Variants in SEC16A observed in about 807,000 individuals in gnomAD.
The protein encoded by SEC16A is SEC16 homolog A, endoplasmic reticulum export factor.
SEC16A carries 110 observed loss-of-function variants against 221.9 expected under a neutral mutation model. The observed-to-expected ratio is 0.50, with a 90% confidence interval of 0.42 to 0.58. The LOEUF (loss-of-function observed/expected upper bound fraction) is 0.58, where lower values mean the gene tolerates loss of function less well. Ranked by LOEUF, SEC16A falls within the 20% of genes least tolerant of loss-of-function variation. The pLI, the probability that SEC16A is intolerant of heterozygous loss-of-function variation, is 0.00. For missense variants in SEC16A, 3,165 were observed against 3,097.8 expected (o/e 1.02, Z -0.52); for synonymous variants, 1,393 against 1,257.7 (o/e 1.11, Z -2.28).
At chr9:136,451,140 T>C (rs1265648422) in intron 23 of SEC16A, 116 bp downstream of exon 23, 2 of 1,091,074 alleles carry the variant, frequency 1.8e-6, no homozygotes. Context: ...CACTCGGCTG[T>C]TTGTATCAGG....
intron 23 of SEC16A, among the ~76,000 whole-genome samples, chr9:136,450,900 G>C (rs1297767895): frequency 6.6e-6 from 1 of 152,202 alleles, no homozygotes; most frequent in East Asian, 1.9e-4. Flanking sequence ...ACTGAAAGCA[G>C]TCCCAAAGTC....
intron 19 of SEC16A, 92 bp from the exon 20 acceptor site, chr9:136,455,885 C>T (rs1380891998): frequency 1.5e-6 from 2 of 1,352,032 alleles, no homozygotes; most frequent in African/African-American, 2.9e-5. Flanking sequence ...TGTGTCCCTA[C>T]TTCAGGACAG....
Position 136,463,454 on chromosome 9 carries a change from GA to G in SEC16A, c.4647+8del, listed in dbSNP as rs765246600. ...AGAAGAAACACTCTAGAAGTAGAAAGAAACATACCCCATTTTGTCTGCATAA... is the reference window on the plus strand; with the variant it reads ...AGAAGAAACACTCTAGAAGTAGAAAGAACATACCCCATTTTGTCTGCATAA... On this transcript the variant is annotated splice_region_variant and intron_variant, in intron 11 of 31. Coordinates refer to ENST00000684901, the MANE Select transcript of SEC16A (RefSeq NM_014866.2). 4 of 1,611,426 alleles carry G rather than the reference GA, an allele frequency of 2.5e-6. No individual in the cohort carries two copies. The East Asian group carries it at 8.9e-5, about 36-fold the overall frequency.
rs772634830 is a variant in SEC16A, at chr9:136,466,988, A to G, written c.3898T>C (p.Tyr1300His). 8 of 1,613,758 alleles carry G rather than the reference A, an allele frequency of 5.0e-6. No homozygotes were observed. In the South Asian group the frequency reaches 8.8e-5, roughly 18 times the overall value. ...CCGAAGGCAGAGTGCTCTCTCCTGT[A>G]TGCGTCATACTCTGCATCACACCAA... ...RYWCDAEYDA[Y>H]RREHSAFGDR... is the part of the protein sequence containing the mutation. Residue 1300 changes from tyrosine to histidine, a missense_variant, in exon 6 of 32, where the codon TAC (tyrosine) becomes CAC (histidine). By Grantham distance (83) the Tyr-to-His change is moderately conservative (BLOSUM62 2). Transcript: ENST00000684901. This position sits in a 1 kb window ranked among gnomAD's most constrained non-coding sequence, Gnocchi z 5.5.
Position 136,451,384 on chromosome 9 carries a change from A to G in SEC16A, c.6184T>C (p.Ser2062Pro). 2 of 1,611,102 alleles carry G rather than the reference A, an allele frequency of 1.2e-6. No individual in the cohort carries two copies. Among genetic ancestry groups the G allele is most frequent in the Non-Finnish European group, 1.7e-6 (2 of 1,178,760 alleles). The change falls in exon 23 of 32, where the codon TCG becomes CCG. Residue 2062 changes from serine to proline, a missense_variant. Ser to Pro is a moderately conservative substitution (Grantham distance 74, BLOSUM62 -1). Coordinates refer to ENST00000684901, the MANE Select transcript of SEC16A (RefSeq NM_014866.2). ...CGATCCCACCCTGGGGGGGCCTCCG[A>G]GTCTGGCACCGTCCTCGAGGGGGTC... Reference protein sequence around the residue: ...NLTPSRTVPDSEAPPGWDRAD... With the variant: ...NLTPSRTVPDPEAPPGWDRAD...
rs557214823 is a variant in SEC16A, at chr9:136,455,968, C to T, written c.5664+85G>A. The T allele has an allele frequency of 9.5e-6, 12 of 1,267,210 alleles. No homozygotes were observed. In the East Asian group the frequency reaches 2.8e-4, roughly 30 times the overall value. 78.5% of individuals were successfully genotyped at this position (1,267,210 alleles called of 1,614,324 possible). On this transcript the variant is annotated intron_variant, in intron 19 of 31. Coordinates refer to ENST00000684901, the MANE Select transcript of SEC16A (RefSeq NM_014866.2). ...CACGTTTGCAGTTACACTGTCTTTA[C>T]AGATACATACTTTCAGTGTGGAAAT...
chr9:136,483,167 C>T (rs1246039378), upstream of SEC16A: 2 of 312,216 alleles, frequency 6.4e-6, no homozygotes, highest in African/African-American at 4.6e-5. Flanking sequence ...CTTCACAGCC[C>T]ATCCCTCGGC....
chr9:136,462,750 G>C (rs1458268229), intron 12 of SEC16A, 137 bp downstream of exon 12: 2 of 947,078 alleles, frequency 2.1e-6, no homozygotes, highest in African/African-American at 3.3e-5. Flanking sequence ...TCAGGAAACA[G>C]CAAGACCCGA....
At chr9:136,460,171 GA>G in intron 13 of SEC16A, 48 bp from the exon 14 acceptor site, 1 of 1,491,154 alleles carries the variant, frequency 6.7e-7, no homozygotes, top group Non-Finnish European at 9.2e-7. Context: ...TCAGCTAAAA[GA>G]AAAAAGCCGG....
At chr9:136,453,405 T>A in intron 22 of SEC16A, 23 bp downstream of exon 22, 1 of 1,591,986 alleles carries the variant, frequency 6.3e-7, no homozygotes, top group Non-Finnish European at 8.6e-7. Context: ...AAACAAACAG[T>A]TTAAGAAAAT....
intron 20 of SEC16A, among the ~76,000 whole-genome samples, chr9:136,454,623 G>A (rs1188845144): frequency 1.3e-5 from 2 of 152,128 alleles, no homozygotes; most frequent in African/African-American, 4.8e-5. Flanking sequence ...GCCTGGCACA[G>A]AGCTCTGCTA....
At chr9:136,443,114 C>T (rs567495551) in intron 31 of SEC16A, among the ~76,000 whole-genome samples, 3 of 152,340 alleles carry the variant, frequency 2.0e-5, no homozygotes, top group Non-Finnish European at 4.4e-5. Flanking sequence ...GAATAGCAGA[C>T]GTGGCAGAGC....
chr9:136,463,426 G>A (rs775379078), intron 11 of SEC16A, 37 bp downstream of exon 11: 4 of 1,601,926 alleles, frequency 2.5e-6, no homozygotes, highest in African/African-American at 1.3e-5. Context: ...ATGAAGACCA[G>A]CAAGAAGAAA....
Position 136,445,631 on chromosome 9 carries a change from T to G in SEC16A, c.6867+14A>C, listed in dbSNP as rs1836872059. The G allele has an allele frequency of 6.5e-7, 1 of 1,547,068 alleles. No individual in the cohort carries two copies. The highest frequency in any genetic ancestry group is 2.0e-5 in the Admixed American group (1 of 50,794). ...GCCTGGGCTGCGGGGGGCCCTGGCG[T>G]CGGCACTCCTTACCTCTCCTCCCTG... On this transcript the variant is annotated intron_variant, in intron 29 of 31. Coordinates refer to ENST00000684901, the MANE Select transcript of SEC16A (RefSeq NM_014866.2).
chr9:136,461,956 A>C (rs1242996477), intron 12 of SEC16A, among the ~76,000 whole-genome samples: 1 of 151,640 alleles, frequency 6.6e-6, no homozygotes, highest in African/African-American at 2.4e-5. Context: ...AAAAAAAAAA[A>C]AGTTAGCCAG....
Position 136,475,572 on chromosome 9 carries a change from T to G in SEC16A, c.2044A>C (p.Thr682Pro). Reference sequence around the variant, plus strand: ...GGAAGCATGTGCACAGCTTCCGTGGTGGAGTTAAGAGGCAGGGGACAGACC... The same window carrying G: ...GGAAGCATGTGCACAGCTTCCGTGGGGGAGTTAAGAGGCAGGGGACAGACC... ...PQVCPLPLNS[T>P]TEAVHMLPHA... Residue 682 changes from threonine (T) to proline (P), a missense_variant, in exon 3 of 32, where the codon ACC becomes CCC. Physicochemically the swap from Thr to Pro is conservative, Grantham distance 38. Transcript: ENST00000684901. This position sits in a 1 kb window ranked among gnomAD's most constrained non-coding sequence, Gnocchi z 5.0. 6.2e-7 allele frequency: 1 copy of G among 1,613,302 alleles called. No homozygotes were observed. Among genetic ancestry groups the G allele is most frequent in the Non-Finnish European group, 8.5e-7 (1 of 1,179,722 alleles).
rs57905554 is a variant in SEC16A at position 136,459,486 on chromosome 9, G to A, written c.5261C>T (p.Thr1754Met). The change falls in exon 16 of 32, where the codon ACG becomes ATG. Residue 1754 changes from threonine (T) to methionine (M), a missense_variant. By Grantham distance (81) the Thr-to-Met change is moderately conservative. Transcript: ENST00000684901. This position sits in a 1 kb window ranked among gnomAD's most constrained non-coding sequence, Gnocchi z 6.1. Reference protein sequence around the residue: ...LMAQAGFGVYTKKTTKLVLIG... With the variant: ...LMAQAGFGVYMKKTTKLVLIG... ...TAAGACAAGCTTTGTAGTTTTCTTC[G>A]TGTAAACACCAAATCCCGCCTGGGC... The A allele has an allele frequency of 8.7e-6, 14 of 1,608,020 alleles. No individual in the cohort carries two copies. In the Admixed American group the frequency reaches 1.0e-4, roughly 12 times the overall value.
chr9:136,472,243 A>C, intron 3 of SEC16A, 132 bp from the exon 4 acceptor site: 2 of 1,023,728 alleles, frequency 2.0e-6, no homozygotes, highest in Non-Finnish European at 2.9e-6. Context: ...TCGTCCAACA[A>C]CCAGCCTGAG....
At position 136,443,837 on chromosome 9, in the gene SEC16A, C is replaced by G; in HGVS notation, c.6991G>C (p.Ala2331Pro). ...PSGAMPFYNPAQLAQACATSG... is the reference protein window; with the variant it reads ...PSGAMPFYNPPQLAQACATSG... ...GAGTCACTCACCTGTGCCAGCTGAG[C>G]AGGGTTGTAGAAGGGCATGGCCCCG... Residue 2331 changes from alanine (A) to proline (P), a missense_variant, in exon 31 of 32, where the codon GCT becomes CCT. Physicochemically the swap from Ala to Pro is conservative, Grantham distance 27. Transcript: ENST00000684901. 1 of 1,612,370 alleles carries G rather than the reference C, an allele frequency of 6.2e-7. No homozygotes were observed. The highest frequency in any genetic ancestry group is 8.5e-7 in the Non-Finnish European group (1 of 1,179,222).
Sources: gnomAD v4.1 joint callset for allele counts (sites outside exome capture counted in the v4.1 genomes callset) on GRCh38, gnomAD v4.1.1 for gene constraint, Gnocchi (gnomAD v3.1) non-coding constraint, MANE v1.5 for transcripts, NCBI Gene and HGNC (gene_info 2026-07-23, HGNC 2026-07-21) for gene names.